The following PCDHGA4 variants were observed in gnomAD, a reference collection of about 807,000 sequenced individuals.
PCDHGA4 encodes the protein protocadherin gamma subfamily A, 4, also known as protocadherin gamma-A4.
Under a neutral mutation model 54.6 loss-of-function variants are expected in PCDHGA4, and 38 were observed. That is an observed-to-expected ratio of 0.70 (90% CI 0.54 to 0.91). The LOEUF is 0.91. PCDHGA4 is among the 40% of genes least tolerant of loss of function. The pLI is 0.00. For synonymous variants in PCDHGA4, 511 were observed against 512.9 expected (o/e 1.00, Z 0.05); for missense variants, 1,298 against 1,220.9 (o/e 1.06, Z -0.94).
chr5:141,424,699 G>A (rs185769714), intron 1 of PCDHGA4: 222 of 152,060 alleles, frequency 1.5e-3, no homozygotes, highest in African/African-American at 5.2e-3. Flanking sequence ...CTATTTTTTT[G>A]TTCATTTTCA....
intron 1 of PCDHGA4, chr5:141,409,534 C>A (rs774144232): frequency 3.1e-6 from 5 of 1,613,986 alleles, no homozygotes; most frequent in Non-Finnish European, 4.2e-6. Flanking sequence ...ATGTCGCTGA[C>A]ATCAACGACA....
intron 1 of PCDHGA4, chr5:141,378,952 A>C (rs1276367452): frequency 6.6e-6 from 1 of 152,232 alleles, no homozygotes; most frequent in East Asian, 1.9e-4. Flanking sequence ...AATGGAGTAC[A>C]GGGGATTCTC....
chr5:141,441,840 C>T (rs2098278154), intron 1 of PCDHGA4: 1 of 355,864 alleles, frequency 2.8e-6, no homozygotes, highest in Non-Finnish European at 5.5e-6. Flanking sequence ...GCTTCGCGCT[C>T]TTGGATATGG....
intron 1 of PCDHGA4, chr5:141,408,352 C>T: frequency 6.2e-7 from 1 of 1,613,918 alleles, no homozygotes; most frequent in South Asian, 1.1e-5. Flanking sequence ...TGGGGAACCT[C>T]GCTAAGGATC....
In PCDHGA4 at chr5:141,493,307, AAG is replaced by A. The variant is rs2099747490; in HGVS notation, c.2515-1494_2515-1493del. Among the ~76,000 whole-genome samples, 1 of 152,234 alleles carries A rather than the reference AAG, an allele frequency of 6.6e-6. No homozygotes were observed. Among genetic ancestry groups the A allele is most frequent in the South Asian group, 2.1e-4 (1 of 4,832 alleles). ...ACTTGCTCAAGTTCACAGAGCAAGT[AAG>A]AGAGATTCTAACCCCTGTCTAACTC... On this transcript the variant is annotated intron_variant, in intron 1 of 3. Transcript: ENST00000571252. This position sits in a 1 kb window ranked among gnomAD's most constrained non-coding sequence, Gnocchi z 4.3.
In PCDHGA4 at chr5:141,423,512, C is replaced by T. The variant is rs765694240; in HGVS notation, c.2514+65891C>T. 55 of 1,613,552 alleles carry T rather than the reference C, an allele frequency of 3.4e-5. No individual in the cohort carries two copies. The highest frequency in any genetic ancestry group is 2.8e-4 in the African/African-American group (21 of 74,924). On this transcript the variant is annotated intron_variant, in intron 1 of 3. Coordinates refer to ENST00000571252, the MANE Select transcript of PCDHGA4 (RefSeq NM_018917.4). ...TATTCCCACGAGGTCTCTCTCATTGCGGACTCGCAGAAGAGTCACCTGATT... is the reference window on the plus strand; with the variant it reads ...TATTCCCACGAGGTCTCTCTCATTGTGGACTCGCAGAAGAGTCACCTGATT...
At chr5:141,443,090 C>T (rs1403922939) in intron 1 of PCDHGA4, among the ~76,000 whole-genome samples, 3 of 151,926 alleles carry the variant, frequency 2.0e-5, no homozygotes, top group Non-Finnish European at 2.9e-5. Context: ...TTCCAGTCTC[C>T]TTCTCAAGCT....
intron 1 of PCDHGA4, chr5:141,421,970 A>G (rs2096615419): frequency 1.2e-6 from 2 of 1,610,810 alleles, no homozygotes; most frequent in Non-Finnish European, 1.7e-6. Context: ...CAGTCCGTAT[A>G]TCGCGTGAGT....
chr5:141,394,705 C>T lies in PCDHGA4; in HGVS notation c.2514+37084C>T, dbSNP rs1245348426. 6.2e-7 allele frequency: 1 copy of T among 1,613,256 alleles called. No individual in the cohort carries two copies. The highest frequency in any genetic ancestry group is 1.7e-5 in the Admixed American group (1 of 60,012). ...ACGGGCGAGGTGCGCACGGCGCGAG[C>T]CCTGCTGGACAGAGATGCGCTCAAG... On this transcript the variant is annotated intron_variant, in intron 1 of 3. Coordinates refer to ENST00000571252, the MANE Select transcript of PCDHGA4 (RefSeq NM_018917.4).
At chr5:141,377,447 A>AG (rs1773997095) in intron 1 of PCDHGA4, 1 of 152,082 alleles carries the variant, frequency 6.6e-6, no homozygotes, top group African/African-American at 2.4e-5. Context: ...AAGAAAAAAA[A>AG]GTAGCCAGAT....
intron 1 of PCDHGA4, among the ~76,000 whole-genome samples, chr5:141,381,529 A>G (rs530526235): frequency 3.3e-5 from 5 of 152,212 alleles, no homozygotes; most frequent in Non-Finnish European, 5.9e-5. Context: ...TTTGAATTGC[A>G]TACTAGGATG....
chr5:141,401,356 G>A (rs1274587222), intron 1 of PCDHGA4, among the ~76,000 whole-genome samples: 1 of 152,070 alleles, frequency 6.6e-6, no homozygotes, highest in Non-Finnish European at 1.5e-5. Flanking sequence ...AAAAAGGAAG[G>A]AGAAGGAGAG....
intron 1 of PCDHGA4, chr5:141,384,896 A>G (rs1588983120): frequency 1.2e-6 from 2 of 1,613,766 alleles, no homozygotes; most frequent in African/African-American, 1.3e-5. Flanking sequence ...GCTGTGGCTG[A>G]CAGCATCCCC....
intron 1 of PCDHGA4, chr5:141,408,464 A>C (rs764186219): frequency 6.2e-7 from 1 of 1,613,934 alleles, no homozygotes; most frequent in South Asian, 1.1e-5. Context: ...ACTTGTGAAG[A>C]ACCGAATAGA....
chr5:141,361,259 ACT>A (rs1761949153), intron 1 of PCDHGA4: 5 of 1,613,700 alleles, frequency 3.1e-6, no homozygotes, highest in African/African-American at 2.7e-5. Context: ...AGAGACAGAG[ACT>A]CTGGAGAAAA....
At chr5:141,421,144 G>A (rs1241874764) in intron 1 of PCDHGA4, 1 of 999,180 alleles carries the variant, frequency 1.0e-6, no homozygotes, top group African/African-American at 1.6e-5. Flanking sequence ...TTTGGATGTA[G>A]TCGGCCTAGG....
intron 1 of PCDHGA4, chr5:141,360,177 G>T (rs1278032016): frequency 1.9e-6 from 3 of 1,609,920 alleles, no homozygotes; most frequent in African/African-American, 2.7e-5. Context: ...TGCGGTGGCT[G>T]CAGGTACTGT....
intron 1 of PCDHGA4, among the ~76,000 whole-genome samples, chr5:141,448,869 T>C (rs1375609555): frequency 6.6e-6 from 1 of 151,930 alleles, no homozygotes; most frequent in Non-Finnish European, 1.5e-5. Flanking sequence ...GGCGTGAACC[T>C]GGGAGGCGGA....
chr5:141,485,866 C>T lies in PCDHGA4; in HGVS notation c.2515-8941C>T. The T allele has an allele frequency of 2.5e-6, 4 of 1,614,144 alleles. No individual in the cohort carries two copies. Among genetic ancestry groups the T allele is most frequent in the Non-Finnish European group, 3.4e-6 (4 of 1,180,014 alleles). On this transcript the variant is annotated intron_variant, in intron 1 of 3. Coordinates refer to ENST00000571252, the MANE Select transcript of PCDHGA4 (RefSeq NM_018917.4). The surrounding 1 kb of genome is among the most constrained non-coding windows in gnomAD (Gnocchi z 5.7). ...CTGGCACCGCAGAGCTCCGGGTATCCGTGCTGGACGTAAACGACAACGCCC... is the reference window on the plus strand; with the variant it reads ...CTGGCACCGCAGAGCTCCGGGTATCTGTGCTGGACGTAAACGACAACGCCC...
Sources: allele counts gnomAD v4.1 joint callset (sites outside exome capture counted in the v4.1 genomes callset), GRCh38; gene constraint gnomAD v4.1.1; non-coding constraint Gnocchi (gnomAD v3.1); transcripts MANE v1.5; gene names NCBI Gene and HGNC (gene_info 2026-07-23, HGNC 2026-07-21).